The following TBXT variants were observed in gnomAD, a reference collection of about 807,000 sequenced individuals.
TBXT encodes T-box transcription factor T, also known as T brachyury transcription factor.
TBXT carries 19 observed loss-of-function variants against 41.1 expected under a neutral mutation model. The observed-to-expected ratio is 0.46, with a 90% CI of 0.32 to 0.68. TBXT has a LOEUF of 0.68. Ranked by LOEUF, TBXT falls within the 30% of genes least tolerant of loss-of-function variation. The pLI, the probability that TBXT is intolerant of heterozygous loss-of-function variation, is 0.03. For missense variants in TBXT, 536 were observed against 582.0 expected (o/e 0.92, Z 0.81); for synonymous variants, 213 against 238.9 (o/e 0.89, Z 1.00).
chr6:166,165,807 G>T lies in TBXT; in HGVS notation c.505C>A (p.Arg169=). The change falls in exon 3 of 8, where the codon CGA becomes AGA. Residue 169 remains arginine, a synonymous_variant. Coordinates refer to ENST00000366876, the MANE Select transcript of TBXT (RefSeq NM_001366285.2). The stretch of plus-strand genomic sequence containing the variant: ...CCCCCAACTCTCACTATGTGGATTC[G>T]AGGCTCATACTTATGCAAGGAGTTC... ...MLNSLHKYEP[R]IHIVRVGGPQ... is the part of the protein sequence containing the mutation. The T allele has an allele frequency of 6.2e-7, 1 of 1,614,178 alleles. No individual in the cohort carries two copies. The highest frequency in any genetic ancestry group is 8.5e-7 in the Non-Finnish European group (1 of 1,180,036).
rs946109284 is a variant in TBXT, at chr6:166,160,699, A to G, written c.1037+138T>C. On this transcript the variant is annotated intron_variant, in intron 7 of 7. Coordinates refer to ENST00000366876, the MANE Select transcript of TBXT (RefSeq NM_001366285.2). Reference sequence around the variant, plus strand: ...CAATCCCTGGGCATAGCTGGCTAATAAAGAATTCTAAATAAAGACCCAACC... The same window carrying G: ...CAATCCCTGGGCATAGCTGGCTAATGAAGAATTCTAAATAAAGACCCAACC... The G allele has an allele frequency of 1.7e-5, 21 of 1,250,168 alleles. No individual in the cohort carries two copies. In the African/African-American group the frequency reaches 2.7e-4, roughly 16 times the overall value. 77.4% of individuals were successfully genotyped at this position (1,250,168 alleles called of 1,614,324 possible).
intron 2 of TBXT, 35 bp downstream of exon 2, chr6:166,166,557 G>T (rs1779121445): frequency 1.2e-6 from 2 of 1,612,894 alleles, no homozygotes; most frequent in East Asian, 4.5e-5. Flanking sequence ...CCCCCTCCTC[G>T]CTGGTCCCAG....
chr6:166,165,270 T>G (rs1442351169), intron 3 of TBXT, among the ~76,000 whole-genome samples: 1 of 152,070 alleles, frequency 6.6e-6, no homozygotes, highest in East Asian at 1.9e-4. Context: ...TAGGCATAGA[T>G]TTACAGGCAC....
Position 166,158,097 on chromosome 6 carries a change from A to C in TBXT, c.*218T>G, listed in dbSNP as rs905471605. On this transcript the variant is annotated 3_prime_UTR_variant, in exon 8 of 8. Coordinates refer to ENST00000366876, the MANE Select transcript of TBXT (RefSeq NM_001366285.2). Reference sequence around the variant, plus strand: ...CCACAGTTGGGTTCATCTGTAAGCCACCTGGGACAGCACCGCTACTGCAGG... The same window carrying C: ...CCACAGTTGGGTTCATCTGTAAGCCCCCTGGGACAGCACCGCTACTGCAGG... The C allele has an allele frequency of 7.1e-6, 5 of 703,030 alleles. No individual in the cohort carries two copies. The Admixed American group carries it at 1.2e-4, about 17-fold the overall frequency. 43.5% of individuals were successfully genotyped at this position (703,030 alleles called of 1,614,324 possible). A position where few individuals can be genotyped will look rare whatever the true frequency, so the allele number is the denominator to read the frequency against.
chr6:166,165,124 A>G (rs1233980192), intron 3 of TBXT, among the ~76,000 whole-genome samples: 3 of 152,246 alleles, frequency 2.0e-5, no homozygotes, highest in Admixed American at 1.3e-4. Context: ...TTCCATGTGT[A>G]TAAATCAGAA....
chr6:166,163,023 T>A (rs1031533119), intron 5 of TBXT, among the ~76,000 whole-genome samples: 1 of 152,208 alleles, frequency 6.6e-6, no homozygotes, highest in Non-Finnish European at 1.5e-5. Flanking sequence ...TGTACCTGAG[T>A]AAACCCAGGA....
intron 1 of TBXT, 143 bp from the exon 2 acceptor site, chr6:166,166,999 C>A (rs1779138430): frequency 1.1e-5 from 15 of 1,424,660 alleles, no homozygotes; most frequent in Middle Eastern, 2.1e-4. Flanking sequence ...CAAGCTCCCC[C>A]TTCCCCGAGC....
At position 166,161,105 on chromosome 6, in the gene TBXT, T is replaced by A. The variant is rs1370702125; in HGVS notation, c.908-139A>T. On this transcript the variant is annotated intron_variant, in intron 6 of 7. Coordinates refer to ENST00000366876, the MANE Select transcript of TBXT (RefSeq NM_001366285.2). ...ATGGGATATTAACTGTAGAAAACAATCCATTAGTCTATTTACATGGTTATC... is the reference window on the plus strand; with the variant it reads ...ATGGGATATTAACTGTAGAAAACAAACCATTAGTCTATTTACATGGTTATC... 2.6e-6 allele frequency: 3 copies of A among 1,153,102 alleles called. No individual in the cohort carries two copies. The African/African-American group carries it at 4.6e-5, about 18-fold the overall frequency. The allele number at this position is 1,153,102 out of a possible 1,614,324, so 71.4% of individuals were successfully genotyped here.
chr6:166,167,152 A>G (rs1213836893), intron 1 of TBXT, among the ~76,000 whole-genome samples: 1 of 152,212 alleles, frequency 6.6e-6, no homozygotes, highest in Non-Finnish European at 1.5e-5. Flanking sequence ...GGGTCCCGGG[A>G]TGCCTCCGAG....
chr6:166,165,140 T>G (rs1779072140), intron 3 of TBXT, among the ~76,000 whole-genome samples: 1 of 152,230 alleles, frequency 6.6e-6, no homozygotes. Flanking sequence ...CAGAAATGGC[T>G]GAAAACACAG....
chr6:166,161,918 G>A lies in TBXT; in HGVS notation c.907+529C>T, dbSNP rs959512928. Among the ~76,000 whole-genome samples the A allele has an allele frequency of 1.1e-4, 15 of 140,936 alleles. 1 individual carries two copies. In the South Asian group the frequency reaches 2.2e-3, roughly 21 times the overall value. 92.5% of individuals were successfully genotyped at this position (140,936 alleles called of 152,430 possible). A position where few individuals can be genotyped will look rare whatever the true frequency, so the allele number is the denominator to read the frequency against. On this transcript the variant is annotated intron_variant, in intron 6 of 7. Transcript: ENST00000366876. ...AGCCTGGGCGACAGAGCGAGACTCC[G>A]TCTCAAAAAAAAGCACACATTGCCG...
At position 166,158,244 on chromosome 6, in the gene TBXT, G is replaced by A; in HGVS notation, c.*71C>T. On this transcript the variant is annotated 3_prime_UTR_variant, in exon 8 of 8. Coordinates refer to ENST00000366876, the MANE Select transcript of TBXT (RefSeq NM_001366285.2). ...TGAGACTGCCACTGGGTACCTAGTA[G>A]GTCAATCCAGTCACCACTGGCTGCC... 2.5e-6 allele frequency: 4 copies of A among 1,611,066 alleles called. No individual in the cohort carries two copies. Among genetic ancestry groups the A allele is most frequent in the East Asian group, 4.5e-5 (2 of 44,866 alleles).
chr6:166,168,268 CT>C (rs1335550170), upstream of TBXT: 1 of 152,084 alleles, frequency 6.6e-6, no homozygotes, highest in Non-Finnish European at 1.5e-5. Flanking sequence ...GTCCTCCTCG[CT>C]TTCCCAGCGC....
In TBXT at chr6:166,162,814, G is replaced by C. The variant is rs187296813; in HGVS notation, c.731-191C>G. Among the ~76,000 whole-genome samples the C allele has an allele frequency of 4.9e-3, 738 of 150,672 alleles. 8 individuals are homozygous for C. The highest frequency in any genetic ancestry group is 0.017 in the African/African-American group (690 of 40,804). On this transcript the variant is annotated intron_variant, in intron 5 of 7. Transcript: ENST00000366876. ...TCCCTCCATCACTCCAGAGAGCAGA[G>C]CCCAGGCCAGGGACTGTCCCTCCAT... is the stretch of plus-strand genomic sequence containing the variant.
intron 7 of TBXT, among the ~76,000 whole-genome samples, chr6:166,159,164 C>T (rs1269672692): frequency 3.9e-5 from 6 of 152,224 alleles, no homozygotes; most frequent in Non-Finnish European, 7.3e-5. Flanking sequence ...AAGAGTGAAA[C>T]TCCGTCAAAC....
chr6:166,165,894 C>G, intron 2 of TBXT, 54 bp from the exon 3 acceptor site: 1 of 1,611,918 alleles, frequency 6.2e-7, no homozygotes, highest in Non-Finnish European at 8.5e-7. Flanking sequence ...GTTAAAACAG[C>G]AAAACATCCA....
intron 5 of TBXT, among the ~76,000 whole-genome samples, chr6:166,163,386 T>C (rs1345797656): frequency 2.6e-5 from 4 of 152,252 alleles, no homozygotes; most frequent in Non-Finnish European, 5.9e-5. Flanking sequence ...TGTCCACTCA[T>C]TTTTTTCTCC....
At position 166,165,404 on chromosome 6, in the gene TBXT, A is replaced by T. The variant is rs563615568; in HGVS notation, c.606+302T>A. ...CCTCTCTCACTCAAGTCTTGTTCTCAAGAAATTCTCACACCATTTAACCTG... is the reference window on the plus strand; with the variant it reads ...CCTCTCTCACTCAAGTCTTGTTCTCTAGAAATTCTCACACCATTTAACCTG... On this transcript the variant is annotated intron_variant, in intron 3 of 7. Coordinates refer to ENST00000366876, the MANE Select transcript of TBXT (RefSeq NM_001366285.2). Among the ~76,000 whole-genome samples the T allele has an allele frequency of 2.0e-5, 3 of 152,300 alleles. No individual in the cohort carries two copies. In the East Asian group the frequency reaches 5.8e-4, roughly 29 times the overall value.
Position 166,167,765 on chromosome 6 carries a change from A to G in TBXT, c.-174T>C. 1.3e-6 allele frequency: 1 copy of G among 755,878 alleles called. No individual in the cohort carries two copies. The highest frequency in any genetic ancestry group is 2.1e-6 in the Non-Finnish European group (1 of 465,816). 46.8% of individuals were successfully genotyped at this position (755,878 alleles called of 1,614,324 possible). ...CAGACCCGGGAGGAGGGCGCGGACC[A>G]AGACTTGGGGGGAGGGGACGGGGGC... On this transcript the variant is annotated 5_prime_UTR_variant, in exon 1 of 8. Coordinates refer to ENST00000366876, the MANE Select transcript of TBXT (RefSeq NM_001366285.2).
Sources: gnomAD v4.1 joint callset for allele counts (sites outside exome capture counted in the v4.1 genomes callset) on GRCh38, gnomAD v4.1.1 for gene constraint, MANE v1.5 for transcripts, NCBI Gene and HGNC (gene_info 2026-07-23, HGNC 2026-07-21) for gene names.